The following ATP2B2 variants were observed in gnomAD, a reference collection of about 807,000 sequenced individuals.
ATP2B2 encodes ATPase plasma membrane Ca2+ transporting 2.
A neutral mutation model predicts 120.0 loss-of-function variants in ATP2B2; 15 were observed. The observed-to-expected ratio is 0.12, with a 90% confidence interval of 0.08 to 0.19. The LOEUF (loss-of-function observed/expected upper bound fraction) is 0.19, where lower values mean the gene tolerates loss of function less well. ATP2B2 is among the 10% of genes least tolerant of loss of function. ATP2B2 has a pLI of 1.00. For missense variants in ATP2B2, 1,045 were observed against 1,719.8 expected, an observed-to-expected ratio of 0.61 and a Z score of 6.94; for synonymous variants, 694 against 700.3, an observed-to-expected ratio of 0.99 and a Z score of 0.14.
intron 4 of ATP2B2, among the ~76,000 whole-genome samples, chr3:10,401,447 T>C (rs1422190922): frequency 6.6e-6 from 1 of 152,224 alleles, no homozygotes; most frequent in Admixed American, 6.5e-5. Context: ...AACCAGTCTC[T>C]CTTGGCTAGG....
At chr3:10,446,129 G>A (rs186513559) in intron 2 of ATP2B2, among the ~76,000 whole-genome samples, 6 of 152,296 alleles carry the variant, frequency 3.9e-5, no homozygotes, top group South Asian at 2.1e-4. Flanking sequence ...ATAAAATGGG[G>A]TAACAGCACC....
At chr3:10,683,760 G>GTGCA (rs1446781892) in intron 1 of ATP2B2, among the ~76,000 whole-genome samples, 4 of 53,914 alleles carry the variant, frequency 7.4e-5, no homozygotes, top group South Asian at 1.9e-3. Context: ...GTGTGTGTGT[G>GTGCA]TATATATATA....
chr3:10,441,309 G>C (rs774238800), intron 2 of ATP2B2, among the ~76,000 whole-genome samples: 2 of 151,952 alleles, frequency 1.3e-5, no homozygotes, highest in Non-Finnish European at 2.9e-5. Flanking sequence ...GGCTGATCTC[G>C]GCTCACTGCA....
intron 1 of ATP2B2, among the ~76,000 whole-genome samples, chr3:10,502,449 G>T (rs1015592988): frequency 6.6e-6 from 1 of 152,212 alleles, no homozygotes; most frequent in African/African-American, 2.4e-5. Context: ...CAAACACCTG[G>T]GGAAAACCAG....
intron 22 of ATP2B2, chr3:10,332,066 G>A: frequency 6.5e-7 from 1 of 1,545,368 alleles, no homozygotes; most frequent in South Asian, 1.2e-5. Context: ...GGAATATTCA[G>A]ACAGTGGAGA....
rs186705150 is a variant in ATP2B2 at position 10,564,902 on chromosome 3, C to T, written c.-414-30769G>A. Among the ~76,000 whole-genome samples, 178 of 152,338 alleles carry T rather than the reference C, an allele frequency of 1.2e-3. 1 individual carries two copies. The highest frequency in any genetic ancestry group is 2.0e-3 in the Non-Finnish European group (133 of 68,034). ...AGAGTAATTGAGAGTTGTCTGGGTA[C>T]ACGGCTGCTTAGATAGACCACATTT... On this transcript the variant is annotated intron_variant, in intron 2 of 21. Transcript: ENST00000646379.
intron 14 of ATP2B2, among the ~76,000 whole-genome samples, chr3:10,353,290 T>C (rs1301895750): frequency 6.6e-6 from 1 of 152,112 alleles, no homozygotes; most frequent in Non-Finnish European, 1.5e-5. Flanking sequence ...GAGGGCACTG[T>C]TGCTTTAGAA....
intron 12 of ATP2B2, among the ~76,000 whole-genome samples, chr3:10,361,542 C>G (rs1253928871): frequency 6.6e-6 from 1 of 152,224 alleles, no homozygotes; most frequent in African/African-American, 2.4e-5. Context: ...GCCGTGTGAA[C>G]ACCATTAGCT....
At chr3:10,569,571 TC>T (rs1371066396) in intron 2 of ATP2B2, among the ~76,000 whole-genome samples, 2 of 152,316 alleles carry the variant, frequency 1.3e-5, no homozygotes, top group Admixed American at 6.5e-5. Context: ...TAGCATGTAA[TC>T]CCTGACCTCA....
intron 1 of ATP2B2, among the ~76,000 whole-genome samples, chr3:10,628,477 C>T (rs2069770110): frequency 6.6e-6 from 1 of 152,018 alleles, no homozygotes; most frequent in South Asian, 2.1e-4. Context: ...TCCTCTGCCT[C>T]CTTTCGCAGC....
chr3:10,516,638 G>T (rs1003650783), intron 3 of ATP2B2, among the ~76,000 whole-genome samples: 5 of 152,184 alleles, frequency 3.3e-5, no homozygotes, highest in Non-Finnish European at 7.3e-5. Flanking sequence ...TTGGAGAAAG[G>T]TGGCCCTGGC....
At chr3:10,350,328 T>C in intron 15 of ATP2B2, 70 bp downstream of exon 15, 7 of 1,606,624 alleles carry the variant, frequency 4.4e-6, no homozygotes, top group Non-Finnish European at 4.3e-6. Flanking sequence ...TGTACAATCA[T>C]GCAGCACCCT....
At chr3:10,354,957 T>C (rs886279284) in intron 14 of ATP2B2, among the ~76,000 whole-genome samples, 2 of 151,998 alleles carry the variant, frequency 1.3e-5, no homozygotes, top group African/African-American at 4.8e-5. Flanking sequence ...CTGGGGTGCT[T>C]GACAAAAACA....
intron 1 of ATP2B2, among the ~76,000 whole-genome samples, chr3:10,644,272 C>G (rs2070254096): frequency 6.6e-6 from 1 of 152,116 alleles, no homozygotes; most frequent in African/African-American, 2.4e-5. Flanking sequence ...AAAGTTTTGG[C>G]AAGGGTGTGG....
intron 1 of ATP2B2, among the ~76,000 whole-genome samples, chr3:10,469,295 T>C (rs1446207496): frequency 6.6e-6 from 1 of 152,252 alleles, no homozygotes; most frequent in Non-Finnish European, 1.5e-5. Flanking sequence ...CCACATCACA[T>C]CCCTATGAGG....
chr3:10,645,751 C>T (rs930049896), intron 1 of ATP2B2, among the ~76,000 whole-genome samples: 3 of 152,144 alleles, frequency 2.0e-5, no homozygotes, highest in African/African-American at 7.2e-5. Flanking sequence ...CCCCTAAGGT[C>T]CCAATTTCTT....
intron 1 of ATP2B2, among the ~76,000 whole-genome samples, chr3:10,673,506 G>C (rs865811467): frequency 6.6e-6 from 1 of 152,008 alleles, no homozygotes; most frequent in African/African-American, 2.4e-5. Flanking sequence ...GACAGAGAGA[G>C]AGAGAGAGAG....
intron 1 of ATP2B2, among the ~76,000 whole-genome samples, chr3:10,674,217 A>G (rs573967654): frequency 6.6e-6 from 1 of 152,096 alleles, no homozygotes; most frequent in East Asian, 1.9e-4. Context: ...TGGGAAATTT[A>G]CTCTCTACCT....
intron 1 of ATP2B2, among the ~76,000 whole-genome samples, chr3:10,637,050 T>C (rs190227881): frequency 5.3e-5 from 8 of 152,292 alleles, no homozygotes; most frequent in African/African-American, 1.9e-4. Flanking sequence ...TCATGGACGT[T>C]GAGTTGAGTA....
Sources: allele counts gnomAD v4.1 joint callset (sites outside exome capture counted in the v4.1 genomes callset), GRCh38; gene constraint gnomAD v4.1.1; transcripts MANE v1.5; gene names NCBI Gene and HGNC (gene_info 2026-07-23, HGNC 2026-07-21).